The following DLG2 variants were observed in gnomAD, a reference collection of about 807,000 sequenced individuals.
The protein encoded by DLG2 is discs large MAGUK scaffold protein 2.
In DLG2, 45 loss-of-function variants were observed where a neutral mutation model predicts 132.5. The ratio of observed to expected loss-of-function variants is 0.34; its 90% CI spans 0.27 to 0.44. DLG2 has a LOEUF of 0.44. DLG2 is among the 20% of genes least tolerant of loss of function. The pLI is 1.00. For synonymous variants in DLG2, 424 were observed against 419.6 expected (o/e 1.01, Z -0.13); for missense variants, 1,045 against 1,196.9 (o/e 0.87, Z 1.87).
chr11:84,080,023 C>T (rs79076083), intron 10 of DLG2, among the ~76,000 whole-genome samples: 3,702 of 152,288 alleles, frequency 0.024, 145 homozygotes, highest in African/African-American at 0.084. Context: ...CACAGCACTA[C>T]GTCCTTTACA....
rs140286175 is a variant in DLG2 at position 84,278,694 on chromosome 11, G to A, written c.520-27403C>T. ...GTTTAACATTTACAAATGAACCAAT[G>A]AAATTTATTAAGTTTTCTTTTCCTG... On this transcript the variant is annotated intron_variant, in intron 7 of 27. Coordinates refer to ENST00000376104, the MANE Select transcript of DLG2 (RefSeq NM_001142699.3). Among the ~76,000 whole-genome samples, 187 of 152,128 alleles carry A rather than the reference G, an allele frequency of 1.2e-3. 1 individual carries two copies. Among genetic ancestry groups the A allele is most frequent in the African/African-American group, 4.2e-3 (173 of 41,522 alleles).
chr11:84,190,716 T>C (rs2096390227), intron 8 of DLG2, among the ~76,000 whole-genome samples: 1 of 152,180 alleles, frequency 6.6e-6, no homozygotes, highest in Non-Finnish European at 1.5e-5. Context: ...AGATGCACAA[T>C]CTGCAATGTT....
At chr11:84,872,427 G>C (rs1413529344) in intron 6 of DLG2, among the ~76,000 whole-genome samples, 4 of 152,202 alleles carry the variant, frequency 2.6e-5, no homozygotes, top group African/African-American at 9.6e-5. Flanking sequence ...AAATGAAACA[G>C]AGTCCTTGCC....
intron 3 of DLG2, among the ~76,000 whole-genome samples, chr11:85,381,168 GC>G (rs1393885741): frequency 6.6e-6 from 1 of 152,190 alleles, no homozygotes; most frequent in African/African-American, 2.4e-5. Context: ...CTTAAAGTAT[GC>G]AGCAACCATT....
At chr11:83,588,680 T>C (rs2097135459) in intron 19 of DLG2, among the ~76,000 whole-genome samples, 1 of 151,118 alleles carries the variant, frequency 6.6e-6, no homozygotes, top group Non-Finnish European at 1.5e-5. Context: ...CTTCAGACGA[T>C]CAAATTACTC....
chr11:83,826,457 C>T (rs1294136363), intron 17 of DLG2, among the ~76,000 whole-genome samples: 1 of 152,088 alleles, frequency 6.6e-6, no homozygotes, highest in Admixed American at 6.5e-5. Context: ...TAAATGGGCT[C>T]TACAATTAAG....
chr11:83,657,527 GTCTAT>G (rs1490435201), intron 18 of DLG2, among the ~76,000 whole-genome samples: 22 of 136,430 alleles, frequency 1.6e-4, no homozygotes, highest in Non-Finnish European at 3.1e-4. Flanking sequence ...TTTATATATT[GTCTAT>G]TCTTTTTTTT....
intron 4 of DLG2, among the ~76,000 whole-genome samples, chr11:85,175,274 C>T (rs375418999): frequency 1.3e-5 from 2 of 152,092 alleles, no homozygotes; most frequent in South Asian, 2.1e-4. Context: ...TACCATGACC[C>T]GACAGTTGGC....
At chr11:85,120,192 C>T (rs1293255968) in intron 5 of DLG2, among the ~76,000 whole-genome samples, 2 of 151,928 alleles carry the variant, frequency 1.3e-5, no homozygotes, top group Non-Finnish European at 2.9e-5. Context: ...GCATATATGC[C>T]CTGTCTTCCT....
chr11:83,507,077 G>A (rs971820758), intron 21 of DLG2, among the ~76,000 whole-genome samples: 1 of 152,082 alleles, frequency 6.6e-6, no homozygotes, highest in Non-Finnish European at 1.5e-5. Context: ...GCTTCATTAT[G>A]TTCCTTGGTT....
At chr11:84,671,260 G>A (rs949379400) in intron 6 of DLG2, among the ~76,000 whole-genome samples, 1 of 151,832 alleles carries the variant, frequency 6.6e-6, no homozygotes, top group Admixed American at 6.6e-5. Flanking sequence ...CACCATGCCC[G>A]GCTTATTTTT....
At chr11:84,847,715 G>A (rs1032222435) in intron 6 of DLG2, among the ~76,000 whole-genome samples, 1 of 152,090 alleles carries the variant, frequency 6.6e-6, no homozygotes, top group African/African-American at 2.4e-5. Context: ...AAAAATTTGA[G>A]GCCATGCCTG....
intron 5 of DLG2, among the ~76,000 whole-genome samples, chr11:85,149,266 T>A (rs951646337): frequency 4.6e-5 from 7 of 152,178 alleles, no homozygotes; most frequent in African/African-American, 1.7e-4. Context: ...TTAAAGTAGT[T>A]TTTTTCTAAT....
chr11:85,564,260 T>G (rs1257163084), intron 3 of DLG2, among the ~76,000 whole-genome samples: 1 of 152,016 alleles, frequency 6.6e-6, no homozygotes, highest in Non-Finnish European at 1.5e-5. Flanking sequence ...GTTTTTAACT[T>G]TGATAAGGTT....
At chr11:85,528,822 G>C (rs1199290010) in intron 3 of DLG2, among the ~76,000 whole-genome samples, 2 of 152,070 alleles carry the variant, frequency 1.3e-5, no homozygotes, top group African/African-American at 4.8e-5. Flanking sequence ...TCATTTTGCA[G>C]AAAGACGCAC....
chr11:84,553,665 T>G (rs2099406312), intron 6 of DLG2, among the ~76,000 whole-genome samples: 1 of 152,192 alleles, frequency 6.6e-6, no homozygotes, highest in Non-Finnish European at 1.5e-5. Flanking sequence ...AAAGGTTAAC[T>G]TCCTCTCTTG....
Position 83,874,456 on chromosome 11 carries a change from G to A in DLG2, c.1529C>T (p.Pro510Leu), listed in dbSNP as rs771691297. 4 of 1,601,724 alleles carry A rather than the reference G, an allele frequency of 2.5e-6. No homozygotes were observed. Among genetic ancestry groups the A allele is most frequent in the Non-Finnish European group, 8.5e-7 (1 of 1,172,536 alleles). The change falls in exon 16 of 28, where the codon CCT (proline) becomes CTT (leucine). Residue 510 changes from proline (P) to leucine (L), a missense_variant. By Grantham distance (98) the Pro-to-Leu change is moderately conservative. Around this residue, in one of 4 missense-constraint regions of DLG2, gnomAD observed 261 missense variants for 256.1 expected, o/e 1.02. Coordinates refer to ENST00000376104, the MANE Select transcript of DLG2 (RefSeq NM_001142699.3). ...GACGGCCCGTTGGAGAGTCATTGAA[G>A]GCTGACGAGTTGCGGTGCTATGTTG... ...HSQHSTATRQ[P>L]SMTLQRAVSL...
At chr11:83,482,056 T>TGA (rs1156949255) in intron 22 of DLG2, among the ~76,000 whole-genome samples, 1 of 152,080 alleles carries the variant, frequency 6.6e-6, no homozygotes, top group Non-Finnish European at 1.5e-5. Flanking sequence ...AAATCAATAT[T>TGA]TAAACTTCAG....
intron 7 of DLG2, among the ~76,000 whole-genome samples, chr11:84,417,166 T>G (rs985760449): frequency 6.6e-6 from 1 of 152,200 alleles, no homozygotes; most frequent in Non-Finnish European, 1.5e-5. Context: ...GATGGAGATA[T>G]GCTGTGGTTT....
Sources: allele counts gnomAD v4.1 joint callset (sites outside exome capture counted in the v4.1 genomes callset), GRCh38; gene constraint gnomAD v4.1.1; regional missense constraint gnomAD v4.1.1; transcripts MANE v1.5; gene names NCBI Gene and HGNC (gene_info 2026-07-23, HGNC 2026-07-21).